The following SNX29 variants were observed in gnomAD, a reference collection of about 807,000 sequenced individuals.
SNX29 encodes the protein sorting nexin-29.
In SNX29, 78 loss-of-function variants were observed where a neutral mutation model predicts 102.1. The ratio of observed to expected loss-of-function variants is 0.76; its 90% CI spans 0.64 to 0.92. SNX29 has a LOEUF of 0.92. Ranked by LOEUF, SNX29 falls within the 40% of genes least tolerant of loss-of-function variation. SNX29 has a pLI of 0.00. For synonymous variants in SNX29, 580 were observed against 414.5 expected, an observed-to-expected ratio of 1.40 and a Z score of -4.85; for missense variants, 1,280 against 1,061.7, an observed-to-expected ratio of 1.21 and a Z score of -2.86.
chr16:12,046,475 G>C (rs1285177913), intron 6 of SNX29, 21 bp downstream of exon 6: 1 of 1,613,354 alleles, frequency 6.2e-7, no homozygotes. Flanking sequence ...CCCAGACCAG[G>C]GTGCAGGGCC....
At chr16:12,167,940 C>G (rs2076055121) in intron 13 of SNX29, among the ~76,000 whole-genome samples, 1 of 152,134 alleles carries the variant, frequency 6.6e-6, no homozygotes, top group South Asian at 2.1e-4. Context: ...GCTCACAGGC[C>G]TGACCCTTTA....
chr16:12,558,557 G>A (rs2078518833), intron 20 of SNX29, among the ~76,000 whole-genome samples: 1 of 152,184 alleles, frequency 6.6e-6, no homozygotes, highest in Non-Finnish European at 1.5e-5. Flanking sequence ...ATGCCTCTCA[G>A]TACCCCGTCC....
At chr16:12,346,981 C>A (rs2081831679) in intron 15 of SNX29, among the ~76,000 whole-genome samples, 1 of 152,222 alleles carries the variant, frequency 6.6e-6, no homozygotes, top group Non-Finnish European at 1.5e-5. Flanking sequence ...GTCACCTAAA[C>A]CTCTGCTTCT....
chr16:12,146,797 T>A (rs2055083345), intron 13 of SNX29, among the ~76,000 whole-genome samples: 1 of 152,194 alleles, frequency 6.6e-6, no homozygotes, highest in South Asian at 2.1e-4. Context: ...GCCAAATGCT[T>A]TAATGTTGAA....
At chr16:12,084,053 G>A (rs1473754315) in intron 11 of SNX29, among the ~76,000 whole-genome samples, 1 of 152,212 alleles carries the variant, frequency 6.6e-6, no homozygotes, top group South Asian at 2.1e-4. Context: ...TACTACTGAA[G>A]AGAAGATGGT....
chr16:12,073,813 G>T lies in SNX29; in HGVS notation c.1319+4681G>T, dbSNP rs561738912. On this transcript the variant is annotated intron_variant, in intron 10 of 20. Transcript: ENST00000566228. ...ATTGTGTGGGAGTCTAAGTCTCTTT[G>T]TAGGTCACTCAGGACTTGCTTTATG... Among the ~76,000 whole-genome samples, 28 of 152,130 alleles carry T rather than the reference G, an allele frequency of 1.8e-4. No homozygotes were observed. The South Asian group carries it at 5.8e-3, about 32-fold the overall frequency.
At chr16:12,441,390 C>T (rs2085802611) in intron 18 of SNX29, among the ~76,000 whole-genome samples, 1 of 151,934 alleles carries the variant, frequency 6.6e-6, no homozygotes, top group Non-Finnish European at 1.5e-5. Flanking sequence ...GCCTGGCCTA[C>T]TTCATTCCTT....
chr16:12,367,243 T>A (rs930314893), intron 16 of SNX29: 4 of 152,336 alleles, frequency 2.6e-5, no homozygotes, highest in Admixed American at 2.0e-4. Context: ...GAGACTGTTG[T>A]CTTCATTTTC....
At chr16:12,159,237 C>T (rs2055680329) in intron 13 of SNX29, among the ~76,000 whole-genome samples, 1 of 152,210 alleles carries the variant, frequency 6.6e-6, no homozygotes, top group African/African-American at 2.4e-5. Flanking sequence ...TCCCTAGTTC[C>T]AGGGATAGCC....
chr16:12,067,318 C>G (rs2051082760), intron 9 of SNX29, among the ~76,000 whole-genome samples: 1 of 151,904 alleles, frequency 6.6e-6, no homozygotes, highest in African/African-American at 2.4e-5. Flanking sequence ...TGAAGTTCAG[C>G]CCCTACAGAG....
intron 19 of SNX29, among the ~76,000 whole-genome samples, chr16:12,509,589 T>A (rs543244610): frequency 6.6e-6 from 1 of 152,174 alleles, no homozygotes; most frequent in Non-Finnish European, 1.5e-5. Flanking sequence ...AAAATATCTT[T>A]CCTTTTTGTT....
intron 18 of SNX29, among the ~76,000 whole-genome samples, chr16:12,468,433 G>C (rs1056533631): frequency 1.3e-5 from 2 of 151,830 alleles, no homozygotes; most frequent in African/African-American, 4.8e-5. Context: ...CCTTAGCCTG[G>C]GATTACAGGT....
At chr16:12,303,160 A>T (rs1303143022) in intron 15 of SNX29, among the ~76,000 whole-genome samples, 1 of 152,230 alleles carries the variant, frequency 6.6e-6, no homozygotes, top group Admixed American at 6.5e-5. Context: ...CAGTCGATAG[A>T]GGTATGGAGT....
intron 13 of SNX29, among the ~76,000 whole-genome samples, chr16:12,146,960 A>G (rs1446433349): frequency 6.6e-6 from 1 of 152,318 alleles, no homozygotes; most frequent in South Asian, 2.1e-4. Flanking sequence ...ATGGGAGAGG[A>G]ACAGAAGCTT....
At chr16:12,266,393 C>G (rs904659329) in intron 14 of SNX29, among the ~76,000 whole-genome samples, 5 of 152,058 alleles carry the variant, frequency 3.3e-5, no homozygotes, top group Non-Finnish European at 5.9e-5. Flanking sequence ...CCAGGACTGC[C>G]CCTATTGCGG....
At chr16:12,365,774 G>A (rs1037710283) in intron 16 of SNX29, among the ~76,000 whole-genome samples, 2 of 151,300 alleles carry the variant, frequency 1.3e-5, no homozygotes, top group African/African-American at 4.9e-5. Flanking sequence ...CGGGCGCGGT[G>A]GCTCACGCCT....
chr16:12,014,522 C>G (rs2151070619), intron 3 of SNX29, among the ~76,000 whole-genome samples: 1 of 152,098 alleles, frequency 6.6e-6, no homozygotes, highest in South Asian at 2.1e-4. Context: ...CACCTGAGGT[C>G]AGGAGTTGGA....
At chr16:12,400,866 A>G (rs1366280120) in intron 17 of SNX29, among the ~76,000 whole-genome samples, 1 of 152,202 alleles carries the variant, frequency 6.6e-6, no homozygotes, top group Non-Finnish European at 1.5e-5. Flanking sequence ...TCTGTCACCC[A>G]GGTTGGAGTG....
intron 14 of SNX29, among the ~76,000 whole-genome samples, chr16:12,257,575 T>G (rs530195781): frequency 6.6e-5 from 10 of 152,244 alleles, no homozygotes; most frequent in African/African-American, 1.9e-4. Context: ...ATGGCACATC[T>G]ATAGCTCACT....
Sources: gnomAD v4.1 joint callset for allele counts (sites outside exome capture counted in the v4.1 genomes callset) on GRCh38, gnomAD v4.1.1 for gene constraint, MANE v1.5 for transcripts, NCBI Gene and HGNC (gene_info 2026-07-23, HGNC 2026-07-21) for gene names.